The following ZNF385C variants were observed in gnomAD, a reference collection of about 807,000 sequenced individuals.
ZNF385C encodes CTD-2132N18.2.
A neutral mutation model predicts 35.4 loss-of-function variants in ZNF385C; 28 were observed. The ratio of observed to expected loss-of-function variants is 0.79; its 90% CI spans 0.59 to 1.08. The LOEUF (loss-of-function observed/expected upper bound fraction) is 1.08. Among genes scored for constraint, ZNF385C ranks in the 50% least tolerant of loss-of-function variants. ZNF385C has a pLI of 0.00. For synonymous variants in ZNF385C, 248 were observed against 248.2 expected, an observed-to-expected ratio of 1.00 and a Z score of 0.01; for missense variants, 605 against 595.6, an observed-to-expected ratio of 1.02 and a Z score of -0.16.
Position 42,026,532 on chromosome 17 carries a change from G to T in ZNF385C, c.*365C>A, listed in dbSNP as rs1265035660. 3 of 298,200 alleles carry T rather than the reference G, an allele frequency of 1.0e-5. No individual in the cohort carries two copies. The highest frequency in any genetic ancestry group is 1.9e-5 in the Non-Finnish European group (3 of 156,536). 18.5% of individuals were successfully genotyped at this position (298,200 alleles called of 1,614,324 possible). A position where few individuals can be genotyped will look rare whatever the true frequency, so the allele number is the denominator to read the frequency against. ...GCCTAGGAATAGAGGTCAGAGAGTCGTCCCCTGGCTAGGAGAGGATGGCTT... is the reference window on the plus strand; with the variant it reads ...GCCTAGGAATAGAGGTCAGAGAGTCTTCCCCTGGCTAGGAGAGGATGGCTT... On this transcript the variant is annotated 3_prime_UTR_variant, in exon 9 of 9. Transcript: ENST00000692273.
At chr17:42,085,121 A>ACCCC in intron 1 of ZNF385C, among the ~76,000 whole-genome samples, 1 of 152,148 alleles carries the variant, frequency 6.6e-6, no homozygotes, top group South Asian at 2.1e-4. Flanking sequence ...ACATGGTGAA[A>ACCCC]CCCCGTCTCT....
chr17:42,043,500 G>T (rs549997415), intron 2 of ZNF385C: 341 of 821,286 alleles, frequency 4.2e-4, no homozygotes, highest in Non-Finnish European at 5.1e-4. Flanking sequence ...GGGGCAGCCC[G>T]CCAGGCTAAC....
In ZNF385C at chr17:42,028,239, C is replaced by T. The variant is rs781821697; in HGVS notation, c.975G>A (p.Lys325=). The T allele has an allele frequency of 5.9e-6, 9 of 1,532,598 alleles. No individual in the cohort carries two copies. The African/African-American group carries it at 9.7e-5, about 17-fold the overall frequency. 94.9% of individuals were successfully genotyped at this position (1,532,598 alleles called of 1,614,324 possible). The part of the protein sequence containing the change: ...SQLQAHNTGA[K]HRWMMEGQRG... ...GCTGACCTTCCATCATCCACCGGTG[C>T]TTGGCTCCTGGAGAGGGAAGAAGGC... Residue 325 remains lysine, a synonymous_variant, in exon 7 of 9, where the codon AAG becomes AAA. Transcript: ENST00000692273.
intron 3 of ZNF385C, among the ~76,000 whole-genome samples, chr17:42,037,360 C>T (rs190200291): frequency 1.4e-5 from 2 of 147,114 alleles, no homozygotes; most frequent in East Asian, 4.1e-4. Context: ...ATAGAAACTA[C>T]AACAAAAAGG....
chr17:42,077,130 A>G (rs571216784), intron 1 of ZNF385C, among the ~76,000 whole-genome samples: 1 of 152,312 alleles, frequency 6.6e-6, no homozygotes, highest in East Asian at 1.9e-4. Flanking sequence ...TAACAAAGAC[A>G]TATTGCTGGA....
chr17:42,061,078 C>A (rs1555657972), intron 2 of ZNF385C, among the ~76,000 whole-genome samples: 19 of 152,086 alleles, frequency 1.2e-4, no homozygotes, highest in Non-Finnish European at 1.5e-5. Flanking sequence ...ACAAACTCAT[C>A]TGCATATGTA....
Position 42,057,508 on chromosome 17 carries a change from G to A in ZNF385C, c.250+5299C>T, listed in dbSNP as rs530492092. On this transcript the variant is annotated intron_variant, in intron 2 of 8. Transcript: ENST00000692273. ...GTTATTTAGGGGTGTGCGCGCGCGC[G>A]CGCGCGTGTGTGTGTGTGTGTGTGT... Among the ~76,000 whole-genome samples the A allele has an allele frequency of 4.6e-3, 135 of 29,344 alleles. 1 individual carries two copies. Among genetic ancestry groups the A allele is most frequent in the African/African-American group, 0.011 (132 of 11,956 alleles). The allele number at this position is 29,344 out of a possible 152,430, so 19.3% of individuals were successfully genotyped here. A position where few individuals can be genotyped will look rare whatever the true frequency, so the allele number is the denominator to read the frequency against.
chr17:42,040,953 G>A (rs1285520359), intron 2 of ZNF385C: 33 of 1,232,104 alleles, frequency 2.7e-5, no homozygotes, highest in Non-Finnish European at 3.2e-5. Context: ...GTGCAGATAC[G>A]CCGAAAGCCT....
intron 1 of ZNF385C, among the ~76,000 whole-genome samples, chr17:42,074,842 G>C (rs1555659126): frequency 6.6e-6 from 1 of 152,194 alleles, no homozygotes; most frequent in African/African-American, 2.4e-5. Flanking sequence ...ACGGAGAATT[G>C]CAGTTGTTCA....
At chr17:42,042,887 G>C in intron 2 of ZNF385C, 1 of 1,232,350 alleles carries the variant, frequency 8.1e-7, no homozygotes, top group Non-Finnish European at 1.0e-6. Flanking sequence ...TCTGTGCCCA[G>C]CAGTGCCTGG....
chr17:42,066,600 T>C (rs1555658453), intron 1 of ZNF385C, among the ~76,000 whole-genome samples: 1 of 152,214 alleles, frequency 6.6e-6, no homozygotes, highest in African/African-American at 2.4e-5. Flanking sequence ...AGACTCACTA[T>C]GTGATATTGG....
intron 1 of ZNF385C, among the ~76,000 whole-genome samples, chr17:42,090,669 C>T (rs1165776367): frequency 1.3e-5 from 2 of 151,130 alleles, no homozygotes; most frequent in African/African-American, 2.4e-5. Context: ...CAGAGGCGGG[C>T]GGATCACGAG....
chr17:42,027,848 G>T, intron 7 of ZNF385C, 120 bp from the exon 8 acceptor site: 1 of 1,260,962 alleles, frequency 7.9e-7, no homozygotes, highest in Non-Finnish European at 1.1e-6. Flanking sequence ...ACACAGACTG[G>T]GTCCTCACCC....
At position 42,028,581 on chromosome 17, in the gene ZNF385C, G is replaced by T. The variant is rs568876393; in HGVS notation, c.967+202C>A. ...GATTTAGCGACCTTCAGTTCTTGCT[G>T]CCTCAGACTTCTCTTCCCAATTCTC... is the stretch of plus-strand genomic sequence containing the variant. On this transcript the variant is annotated intron_variant, in intron 6 of 8. Transcript: ENST00000692273. The T allele has an allele frequency of 3.3e-5, 23 of 687,922 alleles. No homozygotes were observed. In the South Asian group the frequency reaches 4.7e-4, roughly 14 times the overall value. 42.6% of individuals were successfully genotyped at this position (687,922 alleles called of 1,614,324 possible). A position where few individuals can be genotyped will look rare whatever the true frequency, so the allele number is the denominator to read the frequency against.
intron 2 of ZNF385C, among the ~76,000 whole-genome samples, chr17:42,041,370 G>A (rs1419114369): frequency 1.3e-5 from 2 of 152,070 alleles, no homozygotes; most frequent in African/African-American, 2.4e-5. Flanking sequence ...TCACCTCTCC[G>A]AGCCTCAGTT....
intron 2 of ZNF385C, among the ~76,000 whole-genome samples, chr17:42,056,585 G>T (rs1555657556): frequency 6.6e-6 from 1 of 152,134 alleles, no homozygotes; most frequent in Admixed American, 6.5e-5. Context: ...AACATAGCAA[G>T]ACCTTGTGAT....
rs1191455422 is a variant in ZNF385C at position 42,060,108 on chromosome 17, G to C, written c.250+2699C>G. Among the ~76,000 whole-genome samples the C allele has an allele frequency of 6.6e-5, 10 of 152,220 alleles. No homozygotes were observed. In the East Asian group the frequency reaches 1.9e-3, roughly 29 times the overall value. On this transcript the variant is annotated intron_variant, in intron 2 of 8. Transcript: ENST00000692273. The stretch of plus-strand genomic sequence containing the variant: ...CCACAGGACTGGCCTTCCCCACTCA[G>C]TGTCAGCCCTCCATTTCTGTCTCCC...
chr17:42,092,491 G>A (rs1464697097), intron 1 of ZNF385C, among the ~76,000 whole-genome samples: 2 of 152,192 alleles, frequency 1.3e-5, no homozygotes, highest in Admixed American at 6.5e-5. Flanking sequence ...TACAAAATCA[G>A]GGGATAGGAG....
intron 1 of ZNF385C, among the ~76,000 whole-genome samples, chr17:42,087,311 T>C (rs1195100235): frequency 2.0e-4 from 30 of 152,226 alleles, no homozygotes; most frequent in Admixed American, 5.2e-4. Context: ...CTAGTGCTCA[T>C]TGCTTAAAAC....
Sources: allele counts gnomAD v4.1 joint callset (sites outside exome capture counted in the v4.1 genomes callset), GRCh38; gene constraint gnomAD v4.1.1; transcripts MANE v1.5; gene names NCBI Gene and HGNC (gene_info 2026-07-23, HGNC 2026-07-21).